The following PDZD2 variants were observed in gnomAD, a reference collection of about 807,000 sequenced individuals.
PDZD2 encodes PDZ domain-containing protein 2.
In PDZD2, 90 loss-of-function variants were observed where a neutral mutation model predicts 220.7. The observed-to-expected ratio is 0.41, with a 90% CI of 0.34 to 0.49. The LOEUF is 0.49. PDZD2 is among the 20% of genes least tolerant of loss of function. The pLI is 0.28. For missense variants in PDZD2, 3,174 were observed against 3,608.5 expected (o/e 0.88, Z 3.08); for synonymous variants, 1,375 against 1,450.5 (o/e 0.95, Z 1.18).
chr5:31,698,786 A>ACACGAGGAAGTACCTG (rs1747488359), intron 1 of PDZD2, among the ~76,000 whole-genome samples: 1 of 152,202 alleles, frequency 6.6e-6, no homozygotes, highest in Non-Finnish European at 1.5e-5. Flanking sequence ...CCCCAAGGTT[A>ACACGAGGAAGTACCTG]CACGAGGAAG....
intron 1 of PDZD2, among the ~76,000 whole-genome samples, chr5:31,761,148 C>T (rs192429059): frequency 1.2e-4 from 18 of 152,080 alleles, no homozygotes; most frequent in Admixed American, 1.2e-3. Context: ...TCTTGAATAT[C>T]AGGATGGAAA....
intron 2 of PDZD2, among the ~76,000 whole-genome samples, chr5:31,902,981 T>C (rs1742237008): frequency 6.6e-6 from 1 of 151,920 alleles, no homozygotes; most frequent in Non-Finnish European, 1.5e-5. Flanking sequence ...GCAAATAATA[T>C]ATATGATAAG....
intron 5 of PDZD2, among the ~76,000 whole-genome samples, chr5:32,001,567 C>T (rs1172738021): frequency 1.3e-5 from 2 of 152,220 alleles, no homozygotes; most frequent in Non-Finnish European, 2.9e-5. Context: ...CTCTTCTCCA[C>T]GGGTCCTCCA....
chr5:31,716,385 G>A (rs1225302899), intron 1 of PDZD2, among the ~76,000 whole-genome samples: 1 of 152,176 alleles, frequency 6.6e-6, no homozygotes, highest in Admixed American at 6.5e-5. Flanking sequence ...GCCACACGGG[G>A]CCACACCTGG....
intron 2 of PDZD2, among the ~76,000 whole-genome samples, chr5:31,975,768 A>T (rs1749692805): frequency 7.0e-6 from 1 of 142,030 alleles, no homozygotes; most frequent in Non-Finnish European, 1.5e-5. Context: ...GAAAGGTATT[A>T]TGAGCACACT....
At chr5:31,904,771 G>A (rs373036326) in intron 2 of PDZD2, among the ~76,000 whole-genome samples, 363 of 152,078 alleles carry the variant, frequency 2.4e-3, no homozygotes, top group Admixed American at 4.1e-3. Flanking sequence ...AAAATTAGTA[G>A]TGATGGTGAA....
intron 1 of PDZD2, among the ~76,000 whole-genome samples, chr5:31,748,353 A>G (rs1750726763): frequency 6.6e-6 from 1 of 152,206 alleles, no homozygotes; most frequent in African/African-American, 2.4e-5. Flanking sequence ...TTGTATGACT[A>G]TGGACATGTC....
At chr5:32,048,790 TAG>T in intron 8 of PDZD2, 106 bp downstream of exon 8, 1 of 1,185,570 alleles carries the variant, frequency 8.4e-7, no homozygotes, top group Non-Finnish European at 1.2e-6. Context: ...AGAAGTGGGA[TAG>T]AGAGAGACAG....
At chr5:32,096,017 ACAGG>A (rs1743652263) in intron 21 of PDZD2, among the ~76,000 whole-genome samples, 1 of 151,188 alleles carries the variant, frequency 6.6e-6, no homozygotes, top group South Asian at 2.1e-4. Context: ...TGCTGGGATT[ACAGG>A]CGTGAGCCAC....
intron 5 of PDZD2, among the ~76,000 whole-genome samples, chr5:32,002,695 C>T (rs1752268149): frequency 2.3e-5 from 3 of 132,476 alleles, no homozygotes; most frequent in African/African-American, 5.7e-5. Flanking sequence ...ACACACCACA[C>T]ACACCACCAA....
At chr5:31,933,560 A>T (rs1164144847) in intron 2 of PDZD2, among the ~76,000 whole-genome samples, 1 of 152,076 alleles carries the variant, frequency 6.6e-6, no homozygotes. Flanking sequence ...GTGTGTCCCT[A>T]GGCTGGGCTT....
At chr5:31,935,850 C>T (rs1171453459) in intron 2 of PDZD2, among the ~76,000 whole-genome samples, 1 of 152,174 alleles carries the variant, frequency 6.6e-6, no homozygotes, top group African/African-American at 2.4e-5. Context: ...CAGCTGTGGT[C>T]CGTGGCCAAG....
rs58273688 is a variant in PDZD2, at chr5:31,814,178, G to T, written c.476+14454G>T. On this transcript the variant is annotated intron_variant, in intron 2 of 24. Coordinates refer to ENST00000438447, the MANE Select transcript of PDZD2 (RefSeq NM_178140.4). ...TTGTTAGTTAAAACAATGGTTTATG[G>T]GAAAATTATATCAGGTAACAGTAGC... is the stretch of plus-strand genomic sequence containing the variant. Among the ~76,000 whole-genome samples, 3 of 152,134 alleles carry T rather than the reference G, an allele frequency of 2.0e-5. No homozygotes were observed. The East Asian group carries it at 5.8e-4, about 29-fold the overall frequency.
At chr5:31,718,613 TG>T (rs367710521) in intron 1 of PDZD2, among the ~76,000 whole-genome samples, 12 of 152,066 alleles carry the variant, frequency 7.9e-5, no homozygotes, top group African/African-American at 2.9e-4. Flanking sequence ...TACGCATCCC[TG>T]GTATCTCTCT....
At position 31,689,353 on chromosome 5, in the gene PDZD2, A is replaced by ATATATATATATT; in HGVS notation, c.-361+49917_-361+49918insATATATATATTT. Reference sequence around the variant, plus strand: ...TACATATACATATATATATATATATATTTTTTTTTTTTTTTTTTTTAAGTC... The same window carrying ATATATATATATT: ...TACATATACATATATATATATATATATATATATATATTTTTTTTTTTTTTTTTTTTTTAAGTC... On this transcript the variant is annotated intron_variant, in intron 1 of 24. Coordinates refer to ENST00000438447, the MANE Select transcript of PDZD2 (RefSeq NM_178140.4). 2.6e-3 allele frequency among the ~76,000 whole-genome samples: 91 copies of ATATATATATATT among 35,118 alleles called. 2 individuals are homozygous for ATATATATATATT. Among genetic ancestry groups the ATATATATATATT allele is most frequent in the African/African-American group, 0.01 (49 of 4,806 alleles). 23.0% of individuals were successfully genotyped at this position (35,118 alleles called of 152,430 possible). A position where few individuals can be genotyped will look rare whatever the true frequency, so the allele number is the denominator to read the frequency against.
At chr5:31,776,520 G>A (rs1322242055) in intron 1 of PDZD2, among the ~76,000 whole-genome samples, 3 of 151,032 alleles carry the variant, frequency 2.0e-5, no homozygotes, top group African/African-American at 7.3e-5. Flanking sequence ...GGTTACTTAT[G>A]TTGGCCAGGC....
Position 32,087,464 on chromosome 5 carries a change from T to G in PDZD2, c.4016T>G (p.Val1339Gly), listed in dbSNP as rs1742594180. ...GAGGGAATGACACCAGCTGGTGCTGTCCTGCCAGGAGACCCCCTCACATCC... is the reference window on the plus strand; with the variant it reads ...GAGGGAATGACACCAGCTGGTGCTGGCCTGCCAGGAGACCCCCTCACATCC... ...GAEGMTPAGAVLPGDPLTSQE... is the reference protein window; with the variant it reads ...GAEGMTPAGAGLPGDPLTSQE... Residue 1339 changes from valine to glycine, a missense_variant, in exon 20 of 25, where the codon GTC (valine) becomes GGC (glycine). Physicochemically the swap from Val to Gly is moderately radical, Grantham distance 109 (BLOSUM62 -3). This residue lies in a region of PDZD2 where 1,861 missense variants were observed against 2,001.0 expected (regional missense o/e 0.93). Transcript: ENST00000438447. This position sits in a 1 kb window ranked among gnomAD's most constrained non-coding sequence, Gnocchi z 4.0. 1 of 1,613,902 alleles carries G rather than the reference T, an allele frequency of 6.2e-7. No individual in the cohort carries two copies. The highest frequency in any genetic ancestry group is 2.2e-5 in the East Asian group (1 of 44,876).
chr5:31,937,762 C>A (rs531469462), intron 2 of PDZD2, among the ~76,000 whole-genome samples: 22 of 152,318 alleles, frequency 1.4e-4, no homozygotes, highest in African/African-American at 5.1e-4. Context: ...GCCTACTGTT[C>A]ACCTGTTGTG....
intron 1 of PDZD2, among the ~76,000 whole-genome samples, chr5:31,755,402 G>A (rs773574752): frequency 2.4e-4 from 36 of 152,178 alleles, no homozygotes; most frequent in Non-Finnish European, 3.5e-4. Context: ...TTCGGGGTGG[G>A]GGGCGGTGGC....
Sources: allele counts gnomAD v4.1 joint callset (sites outside exome capture counted in the v4.1 genomes callset), GRCh38; gene constraint gnomAD v4.1.1; regional missense constraint gnomAD v4.1.1; non-coding constraint Gnocchi (gnomAD v3.1); transcripts MANE v1.5; gene names NCBI Gene and HGNC (gene_info 2026-07-23, HGNC 2026-07-21).